Variants in KLF4 observed in about 807,000 individuals in gnomAD.
KLF4 encodes KLF transcription factor 4.
KLF4 carries 14 observed loss-of-function variants against 38.0 expected under a neutral mutation model. The ratio of observed to expected loss-of-function variants is 0.37; its 90% CI spans 0.24 to 0.58. KLF4 has a LOEUF of 0.58. Among genes scored for constraint, KLF4 ranks in the 20% least tolerant of loss-of-function variants. The pLI, the probability that KLF4 is intolerant of heterozygous loss-of-function variation, is 0.76. For synonymous variants in KLF4, 398 were observed against 302.5 expected (o/e 1.32, Z -3.28); for missense variants, 737 against 670.1 (o/e 1.10, Z -1.10).
Position 107,485,886 on chromosome 9 carries a change from C to G in KLF4, c.1305G>C (p.Trp435Cys). Residue 435 changes from tryptophan to cysteine, a missense_variant, in exon 5 of 5, where the codon TGG becomes TGC. Transcript: ENST00000374672. The surrounding 1 kb of genome is among the most constrained non-coding windows in gnomAD (Gnocchi z 4.9). ...PYHCDWDGCGWKFARSDELTR... is the reference protein window; with the variant it reads ...PYHCDWDGCGCKFARSDELTR... ...TCAGTTCATCTGAGCGGGCGAATTT[C>G]CATCCACAGCCGTCCCAGTCACAGT... The G allele has an allele frequency of 6.2e-7, 1 of 1,611,862 alleles. No individual in the cohort carries two copies. Among genetic ancestry groups the G allele is most frequent in the Non-Finnish European group, 8.5e-7 (1 of 1,179,326 alleles).
At position 107,487,636 on chromosome 9, in the gene KLF4, C is replaced by T; in HGVS notation, c.758G>A (p.Gly253Asp). The T allele has an allele frequency of 6.3e-7, 1 of 1,590,416 alleles. No individual in the cohort carries two copies. Among genetic ancestry groups the T allele is most frequent in the Non-Finnish European group, 8.6e-7 (1 of 1,167,072 alleles). ...CACCGGGTGGCTGCCGTCAGGGCTGCCTTTGCTGACGCTGATGACCGACGG... is the reference window on the plus strand; with the variant it reads ...CACCGGGTGGCTGCCGTCAGGGCTGTCTTTGCTGACGCTGATGACCGACGG... ...GSPSVISVSK[G>D]SPDGSHPVVV... The change falls in exon 3 of 5, where the codon GGC (glycine) becomes GAC (aspartate). Residue 253 changes from glycine (G) to aspartate (D), a missense_variant. Gly to Asp is a moderately conservative substitution (Grantham distance 94). Around this residue, in one of 2 missense-constraint regions of KLF4, gnomAD observed 695 missense variants for 554.5 expected, o/e 1.25. Transcript: ENST00000374672. The surrounding 1 kb of genome is among the most constrained non-coding windows in gnomAD (Gnocchi z 6.1).
At position 107,488,467 on chromosome 9, in the gene KLF4, G is replaced by T; in HGVS notation, c.127-200C>A. 1.1e-6 allele frequency: 1 copy of T among 945,540 alleles called. No homozygotes were observed. The highest frequency in any genetic ancestry group is 1.5e-6 in the Non-Finnish European group (1 of 654,778). 58.6% of individuals were successfully genotyped at this position (945,540 alleles called of 1,614,324 possible). A position where few individuals can be genotyped will look rare whatever the true frequency, so the allele number is the denominator to read the frequency against. On this transcript the variant is annotated intron_variant, in intron 2 of 4. Transcript: ENST00000374672. The surrounding 1 kb of genome is among the most constrained non-coding windows in gnomAD (Gnocchi z 5.7). ...GAAGAAGAGGTGATGCGTCTGTATT[G>T]CGGGTGTTATGTCCTGTCTGCCCAA...
rs1348192337 is a variant in KLF4, at chr9:107,485,742, G to T, written c.*9C>A. 5 of 1,578,610 alleles carry T rather than the reference G, an allele frequency of 3.2e-6. No individual in the cohort carries two copies. Among genetic ancestry groups the T allele is most frequent in the African/African-American group, 1.4e-5 (1 of 72,946 alleles). ...TCTGGCAGTGTGGGTCATATCCACT[G>T]TCTGGGATTTAAAAATGCCTCTTCA... On this transcript the variant is annotated 3_prime_UTR_variant, in exon 5 of 5. Coordinates refer to ENST00000374672, the MANE Select transcript of KLF4 (RefSeq NM_004235.6). The surrounding 1 kb of genome is among the most constrained non-coding windows in gnomAD (Gnocchi z 4.9).
In KLF4 at chr9:107,488,278, A is replaced by G. The variant is rs1564295299; in HGVS notation, c.127-11T>C. On this transcript the variant is annotated splice_polypyrimidine_tract_variant and intron_variant, in intron 2 of 4. Transcript: ENST00000374672. This position sits in a 1 kb window ranked among gnomAD's most constrained non-coding sequence, Gnocchi z 5.7. ...CTCCTCCCGCCAGCGCTGCGGGGACAGGGCGGGAGAGACCTGTCAGTGGTG... is the reference window on the plus strand; with the variant it reads ...CTCCTCCCGCCAGCGCTGCGGGGACGGGGCGGGAGAGACCTGTCAGTGGTG... 1 of 1,582,836 alleles carries G rather than the reference A, an allele frequency of 6.3e-7. No individual in the cohort carries two copies. Among genetic ancestry groups the G allele is most frequent in the Admixed American group, 1.8e-5 (1 of 55,678 alleles).
chr9:107,489,121 A>G, intron 1 of KLF4, 47 bp downstream of exon 1: 2 of 1,545,978 alleles, frequency 1.3e-6, no homozygotes, highest in Non-Finnish European at 1.7e-6. Flanking sequence ...GGCGCGTCCC[A>G]CCGGTCCTCA....
At chr9:107,486,903 T>C (rs1469380694) in intron 4 of KLF4, 125 bp downstream of exon 4, 3 of 1,559,822 alleles carry the variant, frequency 1.9e-6, no homozygotes, top group Non-Finnish European at 2.6e-6. Context: ...CACTGAGGAG[T>C]GTCCACTGGT....
rs1000595607 is a variant in KLF4, at chr9:107,489,233, A to C, written c.-61T>G. 4.2e-6 allele frequency: 6 copies of C among 1,438,444 alleles called. No individual in the cohort carries two copies. Among genetic ancestry groups the C allele is most frequent in the Non-Finnish European group, 5.5e-6 (6 of 1,092,828 alleles). The allele number at this position is 1,438,444 out of a possible 1,614,324, so 89.1% of individuals were successfully genotyped here. A position where few individuals can be genotyped will look rare whatever the true frequency, so the allele number is the denominator to read the frequency against. On this transcript the variant is annotated 5_prime_UTR_variant, in exon 1 of 5. Transcript: ENST00000374672. ...AGCAGCTGGGGCACCTGAACCCCAA[A>C]GTCAACGAAGAGAAGAAACGAAGCC...
At position 107,488,529 on chromosome 9, in the gene KLF4, C is replaced by G. The variant is rs572022198; in HGVS notation, c.127-262G>C. 43 of 560,624 alleles carry G rather than the reference C, an allele frequency of 7.7e-5. No homozygotes were observed. The highest frequency in any genetic ancestry group is 1.3e-4 in the Non-Finnish European group (43 of 332,572). The allele number at this position is 560,624 out of a possible 1,614,324, so 34.7% of individuals were successfully genotyped here. A position where few individuals can be genotyped will look rare whatever the true frequency, so the allele number is the denominator to read the frequency against. ...CGAGCGCCGCGGCTGGTCCCTCCCC[C>G]TCCAGGTCCCGTGGACGTCCCCGGA... On this transcript the variant is annotated intron_variant, in intron 2 of 4. Coordinates refer to ENST00000374672, the MANE Select transcript of KLF4 (RefSeq NM_004235.6). This position sits in a 1 kb window ranked among gnomAD's most constrained non-coding sequence, Gnocchi z 5.7.
In KLF4 at chr9:107,487,499, G is replaced by A. The variant is rs142583665; in HGVS notation, c.895C>T (p.Arg299Trp). The change falls in exon 3 of 5, where the codon CGG becomes TGG. Residue 299 changes from arginine (R) to tryptophan (W), a missense_variant. By Grantham distance (101) the Arg-to-Trp change is moderately radical. Coordinates refer to ENST00000374672, the MANE Select transcript of KLF4 (RefSeq NM_004235.6). The surrounding 1 kb of genome is among the most constrained non-coding windows in gnomAD (Gnocchi z 6.1). Reference sequence around the variant, plus strand: ...AGGGGGAAGTCGTGTGCAGCCGGCCGGTGGCCATTGCTGAGAGGGGGTCCA... The same window carrying A: ...AGGGGGAAGTCGTGTGCAGCCGGCCAGTGGCCATTGCTGAGAGGGGGTCCA... ...GAGPPLSNGH[R>W]PAAHDFPLGR... The A allele has an allele frequency of 1.0e-5, 16 of 1,542,620 alleles. No individual in the cohort carries two copies. Among genetic ancestry groups the A allele is most frequent in the African/African-American group, 5.5e-5 (4 of 72,748 alleles).
rs1176490074 is a variant in KLF4 at position 107,487,287 on chromosome 9, G to A, written c.1099+8C>T. On this transcript the variant is annotated splice_region_variant and intron_variant, in intron 3 of 4. Coordinates refer to ENST00000374672, the MANE Select transcript of KLF4 (RefSeq NM_004235.6). This position sits in a 1 kb window ranked among gnomAD's most constrained non-coding sequence, Gnocchi z 6.1. ...CCCCAGCCCGAGCTACAAATCCCCG[G>A]GACTGACCTTGGTAATGGAGCGGCG... 2 of 1,591,388 alleles carry A rather than the reference G, an allele frequency of 1.3e-6. No individual in the cohort carries two copies. The highest frequency in any genetic ancestry group is 8.6e-7 in the Non-Finnish European group (1 of 1,168,096).
chr9:107,487,271 G>A lies in KLF4; in HGVS notation c.1099+24C>T, dbSNP rs775001504. 31 of 1,595,920 alleles carry A rather than the reference G, an allele frequency of 1.9e-5. No individual in the cohort carries two copies. Among genetic ancestry groups the A allele is most frequent in the African/African-American group, 4.0e-5 (3 of 74,658 alleles). On this transcript the variant is annotated intron_variant, in intron 3 of 4. Coordinates refer to ENST00000374672, the MANE Select transcript of KLF4 (RefSeq NM_004235.6). This position sits in a 1 kb window ranked among gnomAD's most constrained non-coding sequence, Gnocchi z 6.1. ...CAGCACACACAGGGCTCCCCAGCCC[G>A]AGCTACAAATCCCCGGGACTGACCT...
Position 107,488,126 on chromosome 9 carries a change from G to A in KLF4, c.268C>T (p.Pro90Ser), listed in dbSNP as rs778626896. The A allele has an allele frequency of 1.1e-5, 17 of 1,612,574 alleles. No homozygotes were observed. In the South Asian group the frequency reaches 1.8e-4, roughly 17 times the overall value. ...GAACGGSNLAPLPRRETEEFN... is the reference protein window; with the variant it reads ...GAACGGSNLASLPRRETEEFN... ...TCCTCGGTCTCTCTCCGAGGTAGGG[G>A]CGCCAGGTTGCTACCGCCGCAAGCC... is the stretch of plus-strand genomic sequence containing the variant. The change falls in exon 3 of 5, where the codon CCC (proline) becomes TCC (serine). Residue 90 changes from proline (P) to serine (S), a missense_variant. Pro to Ser is a moderately conservative substitution (Grantham distance 74). Transcript: ENST00000374672. This position sits in a 1 kb window ranked among gnomAD's most constrained non-coding sequence, Gnocchi z 5.7.
chr9:107,488,361 C>A lies in KLF4; in HGVS notation c.127-94G>T. 6.9e-7 allele frequency: 1 copy of A among 1,451,220 alleles called. No homozygotes were observed. The highest frequency in any genetic ancestry group is 9.0e-7 in the Non-Finnish European group (1 of 1,107,028). 89.9% of individuals were successfully genotyped at this position (1,451,220 alleles called of 1,614,324 possible). On this transcript the variant is annotated intron_variant, in intron 2 of 4. Transcript: ENST00000374672. This position sits in a 1 kb window ranked among gnomAD's most constrained non-coding sequence, Gnocchi z 5.7. ...TGGCGGGCCACGCGCGACTGCACCGCCCAGACATGGGGACTGGTCAGGCAG... is the reference window on the plus strand; with the variant it reads ...TGGCGGGCCACGCGCGACTGCACCGACCAGACATGGGGACTGGTCAGGCAG...
chr9:107,488,111 C>G lies in KLF4; in HGVS notation c.283G>C (p.Glu95Gln). ...AGGAGATCGTTGAACTCCTCGGTCTCTCTCCGAGGTAGGGGCGCCAGGTTG... is the reference window on the plus strand; with the variant it reads ...AGGAGATCGTTGAACTCCTCGGTCTGTCTCCGAGGTAGGGGCGCCAGGTTG... ...GSNLAPLPRR[E>Q]TEEFNDLLDL... Residue 95 changes from glutamate (E) to glutamine (Q), a missense_variant, in exon 3 of 5, where the codon GAG becomes CAG. This residue lies in a region of KLF4 where 695 missense variants were observed against 554.5 expected (regional missense o/e 1.25). Coordinates refer to ENST00000374672, the MANE Select transcript of KLF4 (RefSeq NM_004235.6). The surrounding 1 kb of genome is among the most constrained non-coding windows in gnomAD (Gnocchi z 5.7). 1 of 1,612,938 alleles carries G rather than the reference C, an allele frequency of 6.2e-7. No individual in the cohort carries two copies. Among genetic ancestry groups the G allele is most frequent in the Non-Finnish European group, 8.5e-7 (1 of 1,179,908 alleles).
rs1829156121 is a variant in KLF4, at chr9:107,489,521, G to C, written c.-349C>G. 1 of 279,420 alleles carries C rather than the reference G, an allele frequency of 3.6e-6. No individual in the cohort carries two copies. Among genetic ancestry groups the C allele is most frequent in the East Asian group, 5.3e-5 (1 of 18,694 alleles). 17.3% of individuals were successfully genotyped at this position (279,420 alleles called of 1,614,324 possible). A position where few individuals can be genotyped will look rare whatever the true frequency, so the allele number is the denominator to read the frequency against. On this transcript the variant is annotated 5_prime_UTR_variant, in exon 1 of 5. Coordinates refer to ENST00000374672, the MANE Select transcript of KLF4 (RefSeq NM_004235.6). ...CTGTGGCCGGGGCGGTGGGCGGGCG[G>C]TGCCGCCAGGTGAGACTGGCTGCCG...
Position 107,485,742 on chromosome 9 carries a change from G to C in KLF4, c.*9C>G. On this transcript the variant is annotated 3_prime_UTR_variant, in exon 5 of 5. Transcript: ENST00000374672. This position sits in a 1 kb window ranked among gnomAD's most constrained non-coding sequence, Gnocchi z 4.9. ...TCTGGCAGTGTGGGTCATATCCACT[G>C]TCTGGGATTTAAAAATGCCTCTTCA... 6.3e-7 allele frequency: 1 copy of C among 1,578,728 alleles called. No individual in the cohort carries two copies. The highest frequency in any genetic ancestry group is 8.6e-7 in the Non-Finnish European group (1 of 1,165,328).
chr9:107,485,913 G>A lies in KLF4; in HGVS notation c.1278C>T (p.Tyr426=), dbSNP rs1829051647. 1 of 1,610,002 alleles carries A rather than the reference G, an allele frequency of 6.2e-7. No homozygotes were observed. Among genetic ancestry groups the A allele is most frequent in the African/African-American group, 1.3e-5 (1 of 74,706 alleles). ...ATCCACAGCCGTCCCAGTCACAGTG[G>A]TAAGGTTTCTCACCTGTAAAGGTAA... ...HLRTHTGEKP[Y]HCDWDGCGWK... The change falls in exon 5 of 5, where the codon TAC becomes TAT. Residue 426 remains tyrosine, a synonymous_variant. Transcript: ENST00000374672. The surrounding 1 kb of genome is among the most constrained non-coding windows in gnomAD (Gnocchi z 4.9).
Position 107,485,594 on chromosome 9 carries a change from T to C in KLF4, c.*157A>G. On this transcript the variant is annotated 3_prime_UTR_variant, in exon 5 of 5. Transcript: ENST00000374672. The surrounding 1 kb of genome is among the most constrained non-coding windows in gnomAD (Gnocchi z 4.9). The stretch of plus-strand genomic sequence containing the variant: ...TTTTTGTCTTTTGGATTCCTCATTT[T>C]TCCTGATTATCCACTCACAAGATGA... 1 of 672,164 alleles carries C rather than the reference T, an allele frequency of 1.5e-6. No individual in the cohort carries two copies. The highest frequency in any genetic ancestry group is 2.4e-6 in the Non-Finnish European group (1 of 419,710). The allele number at this position is 672,164 out of a possible 1,614,324, so 41.6% of individuals were successfully genotyped here.
intron 4 of KLF4, among the ~76,000 whole-genome samples, chr9:107,486,320 G>A (rs1587920242): frequency 6.6e-6 from 1 of 151,640 alleles, no homozygotes; most frequent in African/African-American, 2.4e-5. Context: ...TACGACTGGG[G>A]ATAAAAAGCC....
Sources: gnomAD v4.1 joint callset for allele counts (sites outside exome capture counted in the v4.1 genomes callset) on GRCh38, gnomAD v4.1.1 for gene constraint, gnomAD v4.1.1 regional missense constraint, Gnocchi (gnomAD v3.1) non-coding constraint, MANE v1.5 for transcripts, NCBI Gene and HGNC (gene_info 2026-07-23, HGNC 2026-07-21) for gene names.